Variants in KCNMB2 observed in about 807,000 individuals in gnomAD.
KCNMB2 encodes the protein potassium calcium-activated channel subfamily M regulatory beta subunit 2.
KCNMB2 carries 9 observed loss-of-function variants against 24.5 expected under a neutral mutation model. The observed-to-expected ratio is 0.37, with a 90% CI of 0.22 to 0.64. The LOEUF (loss-of-function observed/expected upper bound fraction) is 0.64, where lower values mean the gene tolerates loss of function less well. Ranked by LOEUF, KCNMB2 falls within the 30% of genes least tolerant of loss-of-function variation. The pLI is 0.63. For missense variants in KCNMB2, 226 were observed against 284.3 expected (o/e 0.79, Z 1.47); for synonymous variants, 109 against 104.4 (o/e 1.04, Z -0.27).
intron 1 of KCNMB2, among the ~76,000 whole-genome samples, chr3:178,617,913 C>T (rs1225345513): frequency 2.0e-5 from 3 of 146,654 alleles, no homozygotes; most frequent in Non-Finnish European, 4.5e-5. Context: ...AAAAAAAAAC[C>T]CAACACTCAA....
chr3:178,632,947 G>T (rs1719374649), intron 1 of KCNMB2, among the ~76,000 whole-genome samples: 1 of 152,058 alleles, frequency 6.6e-6, no homozygotes, highest in Non-Finnish European at 1.5e-5. Flanking sequence ...AAAACAAAGG[G>T]GCTACAGGCC....
At chr3:178,807,291 A>C (rs929824809) in intron 1 of KCNMB2, 52 bp from the exon 2 acceptor site, 6 of 713,240 alleles carry the variant, frequency 8.4e-6, no homozygotes, top group South Asian at 7.5e-5. Flanking sequence ...TGTAAGAGTC[A>C]ATCCACTGAG....
intron 1 of KCNMB2, among the ~76,000 whole-genome samples, chr3:178,679,234 T>TC (rs1721184712): frequency 6.6e-6 from 1 of 151,848 alleles, no homozygotes; most frequent in African/African-American, 2.4e-5. Flanking sequence ...ATTTCTCCTT[T>TC]ATTTTTTCTT....
chr3:178,576,806 G>T (rs1264024006), intron 1 of KCNMB2, among the ~76,000 whole-genome samples: 1 of 152,206 alleles, frequency 6.6e-6, no homozygotes, highest in Non-Finnish European at 1.5e-5. Context: ...CATCCTCCCT[G>T]GGCAGGGCAT....
chr3:178,702,116 G>A (rs1229470705), intron 1 of KCNMB2, among the ~76,000 whole-genome samples: 1 of 151,974 alleles, frequency 6.6e-6, no homozygotes, highest in African/African-American at 2.4e-5. Flanking sequence ...AAAATGATGA[G>A]TTCATGTCCT....
intron 1 of KCNMB2, among the ~76,000 whole-genome samples, chr3:178,792,341 A>C (rs1424565254): frequency 6.6e-6 from 1 of 152,222 alleles, no homozygotes; most frequent in African/African-American, 2.4e-5. Context: ...AGTTGTTGTC[A>C]GCTTAAAATA....
At chr3:178,823,912 C>CAA (rs111809643) in intron 2 of KCNMB2, among the ~76,000 whole-genome samples, 1 of 151,422 alleles carries the variant, frequency 6.6e-6, no homozygotes. Flanking sequence ...TTGCCTGAAG[C>CAA]TAAAAAAAAA....
chr3:178,655,103 T>G (rs922080942), intron 1 of KCNMB2, among the ~76,000 whole-genome samples: 2 of 102,498 alleles, frequency 2.0e-5, no homozygotes, highest in African/African-American at 7.1e-5. Context: ...TCCCTCTCTC[T>G]CTCTCTCTCT....
At chr3:178,818,828 C>T (rs11716970) in intron 2 of KCNMB2, among the ~76,000 whole-genome samples, 40,005 of 151,936 alleles carry the variant, frequency 0.26, 7,075 homozygotes, top group African/African-American at 0.51. Flanking sequence ...TCTCTGGTGC[C>T]TGCCTATCTA....
chr3:178,806,763 G>C (rs1164097906), intron 1 of KCNMB2, among the ~76,000 whole-genome samples: 1 of 151,806 alleles, frequency 6.6e-6, no homozygotes. Context: ...CTATAAACCT[G>C]GCTTCTCCAG....
chr3:178,544,367 C>T (rs1327817341), intron 1 of KCNMB2, among the ~76,000 whole-genome samples: 1 of 152,144 alleles, frequency 6.6e-6, no homozygotes, highest in African/African-American at 2.4e-5. Context: ...CCCACAGCCA[C>T]TACCCTATTT....
chr3:178,599,452 T>A (rs1018822134), intron 1 of KCNMB2, among the ~76,000 whole-genome samples: 1 of 152,166 alleles, frequency 6.6e-6, no homozygotes, highest in Non-Finnish European at 1.5e-5. Context: ...CAGAATTTTT[T>A]AAAAGTATGT....
rs936607648 is a variant in KCNMB2, at chr3:178,682,523, G to A, written c.-67-124820G>A. Among the ~76,000 whole-genome samples the A allele has an allele frequency of 5.3e-5, 8 of 152,138 alleles. No homozygotes were observed. The South Asian group carries it at 1.2e-3, about 24-fold the overall frequency. On this transcript the variant is annotated intron_variant, in intron 1 of 4. Transcript: ENST00000452583. Reference sequence around the variant, plus strand: ...ACTGTCCAATAGAAATTTGATGCATGCCACAAATGTGACTTGTATATGTAA... The same window carrying A: ...ACTGTCCAATAGAAATTTGATGCATACCACAAATGTGACTTGTATATGTAA...
intron 1 of KCNMB2, among the ~76,000 whole-genome samples, chr3:178,740,782 G>A (rs1280925828): frequency 6.6e-6 from 1 of 152,184 alleles, no homozygotes; most frequent in Admixed American, 6.5e-5. Context: ...CCTGCCATCT[G>A]TCAGGCACTG....
intron 4 of KCNMB2, 69 bp from the exon 5 acceptor site, chr3:178,842,584 C>A: frequency 9.6e-7 from 1 of 1,045,788 alleles, no homozygotes; most frequent in South Asian, 1.5e-5. Context: ...GGACACAATA[C>A]TCCACCCCCT....
At chr3:178,691,423 T>A (rs565995673) in intron 1 of KCNMB2, among the ~76,000 whole-genome samples, 1 of 152,006 alleles carries the variant, frequency 6.6e-6, no homozygotes, top group South Asian at 2.1e-4. Flanking sequence ...CAACCTCTAA[T>A]AGGGTCCCAG....
At chr3:178,825,059 A>G (rs1577217197) in intron 2 of KCNMB2, among the ~76,000 whole-genome samples, 1 of 152,232 alleles carries the variant, frequency 6.6e-6, no homozygotes, top group African/African-American at 2.4e-5. Flanking sequence ...ACAAAGCCCT[A>G]AGCAGCTCTC....
At chr3:178,586,208 T>G (rs1717423315) in intron 1 of KCNMB2, among the ~76,000 whole-genome samples, 1 of 152,166 alleles carries the variant, frequency 6.6e-6, no homozygotes. Context: ...CTAGATGAAT[T>G]CTAAGATTCC....
intron 1 of KCNMB2, among the ~76,000 whole-genome samples, chr3:178,756,401 A>T (rs80215490): frequency 6.6e-6 from 1 of 152,048 alleles, no homozygotes; most frequent in Non-Finnish European, 1.5e-5. Context: ...GCCTCTGGTC[A>T]CAATGTTTCT....
Sources: allele counts gnomAD v4.1 joint callset (sites outside exome capture counted in the v4.1 genomes callset), GRCh38; gene constraint gnomAD v4.1.1; transcripts MANE v1.5; gene names NCBI Gene and HGNC (gene_info 2026-07-23, HGNC 2026-07-21).